The following ADGRB2 variants were observed in gnomAD, a reference collection of about 807,000 sequenced individuals.
ADGRB2 encodes brain-specific angiogenesis inhibitor 2.
A neutral mutation model predicts 178.7 loss-of-function variants in ADGRB2; 47 were observed. The observed-to-expected ratio is 0.26, with a 90% CI of 0.21 to 0.34. ADGRB2 has a LOEUF of 0.34. ADGRB2 is among the 10% of genes least tolerant of loss of function. The probability of loss-of-function intolerance (pLI) is 1.00; values close to 1 mark genes in which losing one functional copy is unlikely to be tolerated. For missense variants in ADGRB2, 1,584 were observed against 2,180.8 expected, an observed-to-expected ratio of 0.73 and a Z score of 5.45; for synonymous variants, 870 against 912.4, an observed-to-expected ratio of 0.95 and a Z score of 0.84.
Position 31,735,312 on chromosome 1 carries a change from G to A in ADGRB2, c.3354-31C>T. The A allele has an allele frequency of 6.8e-7, 1 of 1,463,090 alleles. No homozygotes were observed. Among genetic ancestry groups the A allele is most frequent in the Non-Finnish European group, 9.2e-7 (1 of 1,091,428 alleles). 90.6% of individuals were successfully genotyped at this position (1,463,090 alleles called of 1,614,324 possible). On this transcript the variant is annotated intron_variant, in intron 24 of 32. Transcript: ENST00000373658. The surrounding 1 kb of genome is among the most constrained non-coding windows in gnomAD (Gnocchi z 6.0). Reference sequence around the variant, plus strand: ...GGGCGGCACAGACATGGGAGAAGGAGGGGAAACACATGGGAAGCCGGGAGA... The same window carrying A: ...GGGCGGCACAGACATGGGAGAAGGAAGGGAAACACATGGGAAGCCGGGAGA...
Position 31,730,985 on chromosome 1 carries a change from G to A in ADGRB2, c.4195C>T (p.Leu1399=). 1 of 1,566,004 alleles carries A rather than the reference G, an allele frequency of 6.4e-7. No homozygotes were observed. The highest frequency in any genetic ancestry group is 8.7e-7 in the Non-Finnish European group (1 of 1,152,574). Residue 1399 remains leucine, a synonymous_variant, in exon 29 of 33, where the codon CTG becomes TTG. Transcript: ENST00000373658. ...VAHTEGYPSF[L]SVDHSGLGLG... ...CCCAGGCCCGAGTGGTCCACGGACA[G>A]GAAGCTGGGGTAGCCTTCAGTGTGG...
Position 31,736,599 on chromosome 1 carries a change from C to A in ADGRB2, c.3104G>T (p.Arg1035Leu), listed in dbSNP as rs750649618. Reference protein sequence around the residue: ...VIGRMRTRLVRKRFLCLGWGL... With the variant: ...VIGRMRTRLVLKRFLCLGWGL... ...CCAGCCCAGGCAGAGGAAGCGCTTG[C>A]GAACGAGGCGGGTGCGCATCCGCCC... The change falls in exon 21 of 33, where the codon CGC becomes CTC. Residue 1035 changes from arginine (R) to leucine (L), a missense_variant. By Grantham distance (102) the Arg-to-Leu change is moderately radical. Coordinates refer to ENST00000373658, the MANE Select transcript of ADGRB2 (RefSeq NM_001364857.2). The A allele has an allele frequency of 3.1e-6, 5 of 1,613,942 alleles. No individual in the cohort carries two copies.
At chr1:31,742,591 C>T (rs1646034835) in intron 7 of ADGRB2, among the ~76,000 whole-genome samples, 1 of 152,216 alleles carries the variant, frequency 6.6e-6, no homozygotes, top group Non-Finnish European at 1.5e-5. Flanking sequence ...CAGCCCAGGG[C>T]TTGGAGAAAG....
chr1:31,727,276 C>T lies in ADGRB2; in HGVS notation c.*144G>A. 1.9e-6 allele frequency: 2 copies of T among 1,049,838 alleles called. No homozygotes were observed. Among genetic ancestry groups the T allele is most frequent in the Non-Finnish European group, 2.6e-6 (2 of 770,794 alleles). 65.0% of individuals were successfully genotyped at this position (1,049,838 alleles called of 1,614,324 possible). A position where few individuals can be genotyped will look rare whatever the true frequency, so the allele number is the denominator to read the frequency against. ...CCCCAGGCCAAGCCATGTCCGGCTC[C>T]CCCAGCCTGGCTGAGTCCACGGCGC... On this transcript the variant is annotated 3_prime_UTR_variant, in exon 33 of 33. Coordinates refer to ENST00000373658, the MANE Select transcript of ADGRB2 (RefSeq NM_001364857.2). This position sits in a 1 kb window ranked among gnomAD's most constrained non-coding sequence, Gnocchi z 4.4.
rs1262797538 is a variant in ADGRB2 at position 31,735,371 on chromosome 1, G to T, written c.3354-90C>A. 8.6e-7 allele frequency: 1 copy of T among 1,167,594 alleles called. No homozygotes were observed. Among genetic ancestry groups the T allele is most frequent in the Non-Finnish European group, 1.2e-6 (1 of 812,248 alleles). 72.3% of individuals were successfully genotyped at this position (1,167,594 alleles called of 1,614,324 possible). ...AATGAGCCCCGAGTGGGGTGGGAGG[G>T]GAGGGCAGACGAGAGAGAGAGAGCT... On this transcript the variant is annotated intron_variant, in intron 24 of 32. Coordinates refer to ENST00000373658, the MANE Select transcript of ADGRB2 (RefSeq NM_001364857.2). The surrounding 1 kb of genome is among the most constrained non-coding windows in gnomAD (Gnocchi z 6.0).
chr1:31,746,536 G>T (rs1335882285), intron 4 of ADGRB2, among the ~76,000 whole-genome samples: 2 of 152,118 alleles, frequency 1.3e-5, no homozygotes, highest in Non-Finnish European at 2.9e-5. Context: ...AGCTTCAGGG[G>T]CTCCACATCC....
rs1387732942 is a variant in ADGRB2 at position 31,727,449 on chromosome 1, G to A, written c.4729C>T (p.Pro1577Ser). Residue 1577 changes from proline to serine, a missense_variant, in exon 33 of 33, where the codon CCG becomes TCG. Pro to Ser is a moderately conservative substitution (Grantham distance 74). Around this residue, in one of 3 missense-constraint regions of ADGRB2, gnomAD observed 865 missense variants for 1,192.8 expected, o/e 0.73. Transcript: ENST00000373658. This position sits in a 1 kb window ranked among gnomAD's most constrained non-coding sequence, Gnocchi z 4.4. ...RAAAWEPTEP[P>S]DGDFQTEV is the part of the protein sequence containing the mutation. ...ACCTCTGTCTGGAAGTCACCATCCG[G>A]TGGTTCTGTGGGCTCCCAGGCTGCT... The A allele has an allele frequency of 6.3e-7, 1 of 1,588,084 alleles. No individual in the cohort carries two copies.
chr1:31,748,132 C>T (rs1485999187), intron 4 of ADGRB2, among the ~76,000 whole-genome samples: 4 of 152,226 alleles, frequency 2.6e-5, no homozygotes, highest in Non-Finnish European at 5.9e-5. Context: ...CCTCTTCTAA[C>T]CACTCACAGA....
chr1:31,744,802 G>A lies in ADGRB2; in HGVS notation c.839-71C>T. The A allele has an allele frequency of 6.6e-7, 1 of 1,520,670 alleles. No individual in the cohort carries two copies. The highest frequency in any genetic ancestry group is 1.1e-5 in the South Asian group (1 of 88,198). 94.2% of individuals were successfully genotyped at this position (1,520,670 alleles called of 1,614,324 possible). A position where few individuals can be genotyped will look rare whatever the true frequency, so the allele number is the denominator to read the frequency against. On this transcript the variant is annotated intron_variant, in intron 4 of 32. Coordinates refer to ENST00000373658, the MANE Select transcript of ADGRB2 (RefSeq NM_001364857.2). The surrounding 1 kb of genome is among the most constrained non-coding windows in gnomAD (Gnocchi z 6.7). ...GTTCTGTTACAGTGGCACAGTGAAG[G>A]CAGCCTTCCTTGCCCTCCGCCTGAG... is the stretch of plus-strand genomic sequence containing the variant.
Position 31,756,435 on chromosome 1 carries a change from C to T in ADGRB2, c.402G>A (p.Glu134=), listed in dbSNP as rs1314094114. The T allele has an allele frequency of 6.2e-7, 1 of 1,612,042 alleles. No individual in the cohort carries two copies. The highest frequency in any genetic ancestry group is 1.3e-5 in the African/African-American group (1 of 75,058). The change falls in exon 4 of 33, where the codon GAG becomes GAA. Residue 134 remains glutamate, a synonymous_variant. Coordinates refer to ENST00000373658, the MANE Select transcript of ADGRB2 (RefSeq NM_001364857.2). This position sits in a 1 kb window ranked among gnomAD's most constrained non-coding sequence, Gnocchi z 8.5. ...TGCACAGCTCCAACCCCGCTGCCGC[C>T]TCTGCCTCCTCCTCTTCTGGCCGCC... is the stretch of plus-strand genomic sequence containing the variant. ...EVGRPEEEEA[E]AAAGLELCSG... is the part of the protein sequence containing the mutation.
In ADGRB2 at chr1:31,732,506, C is replaced by T. The variant is rs747440506; in HGVS notation, c.3720+11G>A. 41 of 1,614,028 alleles carry T rather than the reference C, an allele frequency of 2.5e-5. No individual in the cohort carries two copies. Among genetic ancestry groups the T allele is most frequent in the Non-Finnish European group, 3.3e-5 (39 of 1,179,970 alleles). On this transcript the variant is annotated intron_variant, in intron 27 of 32. Transcript: ENST00000373658. ...GAATCTGCCCAGGCCCTGCCCAGGCCCCTAACTCACCAGGATCTGCAGCTG... is the reference window on the plus strand; with the variant it reads ...GAATCTGCCCAGGCCCTGCCCAGGCTCCTAACTCACCAGGATCTGCAGCTG...
In ADGRB2 at chr1:31,744,068, G is replaced by A. The variant is rs1472112298; in HGVS notation, c.1087+125C>T. 7.9e-7 allele frequency: 1 copy of A among 1,261,692 alleles called. No individual in the cohort carries two copies. The highest frequency in any genetic ancestry group is 1.1e-6 in the Non-Finnish European group (1 of 929,632). 78.2% of individuals were successfully genotyped at this position (1,261,692 alleles called of 1,614,324 possible). A position where few individuals can be genotyped will look rare whatever the true frequency, so the allele number is the denominator to read the frequency against. ...TGGTACGCAGAGTTGGGCATGGTGTGGGGAACAGCCACATTTGTTGAATGA... is the reference window on the plus strand; with the variant it reads ...TGGTACGCAGAGTTGGGCATGGTGTAGGGAACAGCCACATTTGTTGAATGA... On this transcript the variant is annotated intron_variant, in intron 6 of 32. Transcript: ENST00000373658. This position sits in a 1 kb window ranked among gnomAD's most constrained non-coding sequence, Gnocchi z 6.7.
rs71006321 is a variant in ADGRB2 at position 31,728,803 on chromosome 1, AACACACACACACACAC to A, written c.4381-186_4381-171del. On this transcript the variant is annotated intron_variant, in intron 29 of 32. Transcript: ENST00000373658. The surrounding 1 kb of genome is among the most constrained non-coding windows in gnomAD (Gnocchi z 6.7). The stretch of plus-strand genomic sequence containing the variant: ...TGGGGCAGCTTTTCAGGCCTCACTG[AACACACACACACACAC>A]ACACACACACACACACACACACACA... 0.067 allele frequency among the ~76,000 whole-genome samples: 7,709 copies of A among 115,514 alleles called. 716 individuals are homozygous for A. Among genetic ancestry groups the A allele is most frequent in the African/African-American group, 0.22 (6,997 of 32,190 alleles). 75.8% of individuals were successfully genotyped at this position (115,514 alleles called of 152,430 possible).
intron 28 of ADGRB2, 72 bp from the exon 29 acceptor site, chr1:31,731,491 G>T: frequency 6.6e-7 from 1 of 1,504,054 alleles, no homozygotes; most frequent in South Asian, 1.3e-5. Context: ...TGCCCAGGCT[G>T]GGGAGGTACC....
intron 1 of ADGRB2, among the ~76,000 whole-genome samples, chr1:31,762,188 G>A (rs74065920): frequency 6.6e-6 from 1 of 151,980 alleles, no homozygotes; most frequent in Non-Finnish European, 1.5e-5. Context: ...ACAGAAAGGG[G>A]GCAGAAGAGA....
intron 28 of ADGRB2, among the ~76,000 whole-genome samples, chr1:31,731,831 C>G (rs1379304530): frequency 6.6e-6 from 1 of 152,176 alleles, no homozygotes; most frequent in Non-Finnish European, 1.5e-5. Context: ...GCTAAGAACT[C>G]GATGTCCCCG....
At chr1:31,736,216 C>T (rs1645599919) in intron 22 of ADGRB2, 105 bp downstream of exon 22, 1 of 1,385,004 alleles carries the variant, frequency 7.2e-7, no homozygotes, top group South Asian at 1.3e-5. Flanking sequence ...AGGAACTTGC[C>T]CAAAGACCCA....
intron 4 of ADGRB2, among the ~76,000 whole-genome samples, chr1:31,745,611 G>A (rs1020577958): frequency 2.6e-5 from 4 of 152,228 alleles, no homozygotes; most frequent in African/African-American, 9.7e-5. Context: ...GGGCACAGAA[G>A]GGAAAGGCCC....
Position 31,735,504 on chromosome 1 carries a change from G to A in ADGRB2, c.3353+76C>T, listed in dbSNP as rs1222092165. ...CCCCGGTCGCATCATCGAGCCCTGA[G>A]TCTCCAAGAGCACCCATGTCCCTCC... On this transcript the variant is annotated intron_variant, in intron 24 of 32. Transcript: ENST00000373658. The surrounding 1 kb of genome is among the most constrained non-coding windows in gnomAD (Gnocchi z 6.0). 7 of 1,539,000 alleles carry A rather than the reference G, an allele frequency of 4.5e-6. No individual in the cohort carries two copies. The highest frequency in any genetic ancestry group is 3.4e-4 in the Middle Eastern group (2 of 5,946).
Sources: allele counts gnomAD v4.1 joint callset (sites outside exome capture counted in the v4.1 genomes callset), GRCh38; gene constraint gnomAD v4.1.1; regional missense constraint gnomAD v4.1.1; non-coding constraint Gnocchi (gnomAD v3.1); transcripts MANE v1.5; gene names NCBI Gene and HGNC (gene_info 2026-07-23, HGNC 2026-07-21).